EMC8: variants seen among roughly 807,000 people sequenced by gnomAD.
EMC8 encodes the protein COX4 neighbor.
Under a neutral mutation model 24.3 loss-of-function variants are expected in EMC8, and 11 were observed. That is an observed-to-expected ratio of 0.45 (90% CI 0.28 to 0.75). The LOEUF is 0.75. Ranked by LOEUF, EMC8 falls within the 30% of genes least tolerant of loss-of-function variation. EMC8 has a pLI of 0.12. For missense variants in EMC8, 277 were observed against 282.7 expected, an observed-to-expected ratio of 0.98 and a Z score of 0.14; for synonymous variants, 145 against 117.7, an observed-to-expected ratio of 1.23 and a Z score of -1.50.
At chr16:85,781,403 G>A in intron 2 of EMC8, 123 bp from the exon 3 acceptor site, 1 of 707,016 alleles carries the variant, frequency 1.4e-6, no homozygotes, top group Non-Finnish European at 2.6e-6. Context: ...CCAACAGGCT[G>A]CACGTGCTCG....
intron 2 of EMC8, among the ~76,000 whole-genome samples, chr16:85,786,858 T>C (rs1056128397): frequency 6.6e-6 from 1 of 152,092 alleles, no homozygotes; most frequent in African/African-American, 2.4e-5. Flanking sequence ...AGATGAGGCA[T>C]GCGCAGAGAG....
At chr16:85,784,365 T>G (rs753548061) in intron 2 of EMC8, 4 of 152,222 alleles carry the variant, frequency 2.6e-5, no homozygotes, top group Admixed American at 6.5e-5. Flanking sequence ...GCACACTATA[T>G]ACAATTACAA....
chr16:85,794,592 G>A (rs78455132), intron 1 of EMC8, among the ~76,000 whole-genome samples: 2 of 152,180 alleles, frequency 1.3e-5, no homozygotes, highest in African/African-American at 4.8e-5. Context: ...GGGAGGCTGA[G>A]GCGGGAGAAT....
chr16:85,780,092 G>T, intron 4 of EMC8: 1 of 601,818 alleles, frequency 1.7e-6, no homozygotes, highest in Non-Finnish European at 2.9e-6. Context: ...GAAAGTTGGA[G>T]GCAGATGACT....
At chr16:85,789,481 T>C (rs914292857) in intron 1 of EMC8, among the ~76,000 whole-genome samples, 1 of 152,136 alleles carries the variant, frequency 6.6e-6, no homozygotes, top group African/African-American at 2.4e-5. Context: ...CAGAAGGGAA[T>C]CTCAGTCTCT....
At chr16:85,797,914 T>G (rs1905313180) in intron 1 of EMC8, among the ~76,000 whole-genome samples, 1 of 152,216 alleles carries the variant, frequency 6.6e-6, no homozygotes, top group South Asian at 2.1e-4. Flanking sequence ...AACAACTCGA[T>G]GGAATTTATA....
intron 2 of EMC8, among the ~76,000 whole-genome samples, chr16:85,782,343 A>G (rs1190126348): frequency 2.6e-5 from 4 of 152,166 alleles, no homozygotes; most frequent in African/African-American, 9.7e-5. Flanking sequence ...ACCCTGATAA[A>G]TGACACCTTT....
chr16:85,780,930 G>A (rs1904463123), intron 3 of EMC8: 1 of 511,744 alleles, frequency 2.0e-6, no homozygotes, highest in Admixed American at 3.3e-5. Flanking sequence ...GATTCAGTGG[G>A]GTCTGGGGTG....
At chr16:85,792,004 T>C (rs907995528) in intron 1 of EMC8, among the ~76,000 whole-genome samples, 6 of 152,184 alleles carry the variant, frequency 3.9e-5, no homozygotes, top group Non-Finnish European at 7.3e-5. Context: ...GGAAAAACCA[T>C]AGGACATATT....
chr16:85,785,620 A>C (rs1357010957), intron 2 of EMC8, among the ~76,000 whole-genome samples: 1 of 152,174 alleles, frequency 6.6e-6, no homozygotes, highest in East Asian at 1.9e-4. Flanking sequence ...GAACTGTCAA[A>C]GTATTTGAAA....
At chr16:85,798,992 G>C in intron 1 of EMC8, 73 bp downstream of exon 1, 1 of 1,119,802 alleles carries the variant, frequency 8.9e-7, no homozygotes, top group East Asian at 2.6e-5. Flanking sequence ...GCGACCGCTG[G>C]GCCAGCTTCC....
chr16:85,799,415 C>G lies in EMC8; in HGVS notation c.-120G>C. The G allele has an allele frequency of 5.3e-6, 3 of 562,484 alleles. No homozygotes were observed. The East Asian group carries it at 1.1e-4, about 20-fold the overall frequency. The allele number at this position is 562,484 out of a possible 1,614,324, so 34.8% of individuals were successfully genotyped here. A position where few individuals can be genotyped will look rare whatever the true frequency, so the allele number is the denominator to read the frequency against. On this transcript the variant is annotated 5_prime_UTR_variant, in exon 1 of 5. Transcript: ENST00000253457. The surrounding 1 kb of genome is among the most constrained non-coding windows in gnomAD (Gnocchi z 4.2). Reference sequence around the variant, plus strand: ...AGGCGGCGGCGATTGATGGCGCGGCCGCGGGCTGGCGGGGGACCCTTCAGG... The same window carrying G: ...AGGCGGCGGCGATTGATGGCGCGGCGGCGGGCTGGCGGGGGACCCTTCAGG...
intron 1 of EMC8, chr16:85,792,964 G>A (rs1286771567): frequency 6.6e-6 from 1 of 152,236 alleles, no homozygotes; most frequent in Non-Finnish European, 1.5e-5. Flanking sequence ...TAGTCAAACT[G>A]ACTCTGATAT....
rs536420203 is a variant in EMC8, at chr16:85,778,917, C to T, written c.*791G>A. ...ATGTTCTAAGTATAAAAAGTACAGA[C>T]GTCACTCTGCACAACTCGGGAAGTC... is the stretch of plus-strand genomic sequence containing the variant. On this transcript the variant is annotated 3_prime_UTR_variant, in exon 5 of 5. Transcript: ENST00000253457. The T allele has an allele frequency of 1.3e-5, 2 of 152,188 alleles. No homozygotes were observed. The highest frequency in any genetic ancestry group is 2.4e-5 in the African/African-American group (1 of 41,440). 9.4% of individuals were successfully genotyped at this position (152,188 alleles called of 1,614,324 possible).
chr16:85,794,967 A>T (rs1000235586), intron 1 of EMC8, among the ~76,000 whole-genome samples: 6 of 152,160 alleles, frequency 3.9e-5, no homozygotes, highest in Admixed American at 1.3e-4. Flanking sequence ...CCTCCCTGGT[A>T]AGTGGTTTGG....
intron 2 of EMC8, among the ~76,000 whole-genome samples, chr16:85,786,808 C>G (rs942261221): frequency 5.3e-5 from 8 of 152,142 alleles, no homozygotes; most frequent in African/African-American, 1.9e-4. Flanking sequence ...TGGGCTGTAA[C>G]GAGGTCAGCA....
chr16:85,789,860 T>C (rs961343706), intron 1 of EMC8, among the ~76,000 whole-genome samples: 2 of 151,490 alleles, frequency 1.3e-5, no homozygotes, highest in African/African-American at 4.9e-5. Flanking sequence ...CATCATGAAA[T>C]ACCCCTCAGT....
At chr16:85,780,499 A>T (rs1287025217) in intron 3 of EMC8, 26 bp from the exon 4 acceptor site, 2 of 1,573,184 alleles carry the variant, frequency 1.3e-6, no homozygotes, top group Non-Finnish European at 1.7e-6. Flanking sequence ...AGGACACGAG[A>T]GTGAACAGAA....
intron 1 of EMC8, among the ~76,000 whole-genome samples, chr16:85,789,946 G>A (rs1424119680): frequency 2.6e-5 from 4 of 152,152 alleles, no homozygotes; most frequent in Non-Finnish European, 5.9e-5. Flanking sequence ...GGCGTGCTTT[G>A]AAATGGAAGC....
Sources: allele counts gnomAD v4.1 joint callset (sites outside exome capture counted in the v4.1 genomes callset), GRCh38; gene constraint gnomAD v4.1.1; non-coding constraint Gnocchi (gnomAD v3.1); transcripts MANE v1.5; gene names NCBI Gene and HGNC (gene_info 2026-07-23, HGNC 2026-07-21).